DPP6: variants seen among roughly 807,000 people sequenced by gnomAD.
DPP6 encodes the protein A-type potassium channel modulatory protein DPP6.
In DPP6, 69 loss-of-function variants were observed where a neutral mutation model predicts 122.6. That is an observed-to-expected ratio of 0.56 (90% CI 0.46 to 0.69). The LOEUF (loss-of-function observed/expected upper bound fraction) is 0.69, where lower values mean the gene tolerates loss of function less well. DPP6 is among the 30% of genes least tolerant of loss of function. The probability of loss-of-function intolerance (pLI) is 0.00; values close to 1 mark genes in which losing one functional copy is unlikely to be tolerated. For missense variants in DPP6, 928 were observed against 1,116.9 expected (o/e 0.83, Z 2.41); for synonymous variants, 418 against 433.1 (o/e 0.97, Z 0.43).
chr7:154,074,955 A>G (rs868002665), intron 1 of DPP6, among the ~76,000 whole-genome samples: 2 of 151,404 alleles, frequency 1.3e-5, no homozygotes, highest in Non-Finnish European at 2.9e-5. Flanking sequence ...ACAAATCAGC[A>G]AGAAAAAAAC....
intron 1 of DPP6, among the ~76,000 whole-genome samples, chr7:154,418,106 A>T (rs1817178290): frequency 6.6e-6 from 1 of 152,220 alleles, no homozygotes; most frequent in Admixed American, 6.5e-5. Context: ...TCCTTCAGCC[A>T]GAAACCATCT....
the DPP6 span, among the ~76,000 whole-genome samples, chr7:153,815,526 A>AC: frequency 1.0e-5 from 1 of 100,200 alleles, no homozygotes; most frequent in South Asian, 3.3e-4. Context: ...CCGTCCCCCC[A>AC]CCCCACAGCA....
intron 1 of DPP6, among the ~76,000 whole-genome samples, chr7:154,086,620 CT>C (rs1177763713): frequency 1.1e-3 from 148 of 136,504 alleles, no homozygotes; most frequent in Admixed American, 1.1e-3. Context: ...AGAGCTTACT[CT>C]TTTTTTTTTT....
chr7:154,012,270 T>A (rs1410307280), intron 1 of DPP6, among the ~76,000 whole-genome samples: 1 of 152,168 alleles, frequency 6.6e-6, no homozygotes, highest in Non-Finnish European at 1.5e-5. Flanking sequence ...AAGATCTAAA[T>A]TAAAAACTAA....
At chr7:154,411,668 A>G (rs79528630) in intron 1 of DPP6, among the ~76,000 whole-genome samples, 4,159 of 152,264 alleles carry the variant, frequency 0.027, 178 homozygotes, top group African/African-American at 0.094. Flanking sequence ...ACATGAAGAC[A>G]TTTATGAACT....
chr7:154,824,300 A>G (rs977680483), intron 16 of DPP6, among the ~76,000 whole-genome samples: 17 of 152,036 alleles, frequency 1.1e-4, no homozygotes, highest in African/African-American at 3.6e-4. Context: ...TTGTTTTGAG[A>G]CAGAGTTTCA....
intron 7 of DPP6, among the ~76,000 whole-genome samples, chr7:154,672,949 T>C (rs1201548827): frequency 6.6e-6 from 1 of 152,152 alleles, no homozygotes; most frequent in African/African-American, 2.4e-5. Flanking sequence ...CCAACACAGG[T>C]GGCTTGGCCT....
intron 5 of DPP6, among the ~76,000 whole-genome samples, chr7:154,595,260 C>T (rs1482225672): frequency 3.3e-5 from 5 of 152,268 alleles, no homozygotes; most frequent in Admixed American, 2.6e-4. Flanking sequence ...CAGCCTTACC[C>T]TTTCTTCCCC....
At chr7:154,277,034 A>G (rs961876203) in intron 1 of DPP6, among the ~76,000 whole-genome samples, 3 of 152,150 alleles carry the variant, frequency 2.0e-5, no homozygotes, top group African/African-American at 2.4e-5. Context: ...CACCAACAAA[A>G]AATACAAAAA....
the DPP6 span, among the ~76,000 whole-genome samples, chr7:153,805,924 C>A: frequency 1.3e-5 from 2 of 151,806 alleles, no homozygotes; most frequent in Non-Finnish European, 2.9e-5. Context: ...CTGGGTGCAG[C>A]ACACCAACAT....
intron 4 of DPP6, among the ~76,000 whole-genome samples, chr7:154,559,478 G>T (rs1289272788): frequency 6.6e-6 from 1 of 152,042 alleles, no homozygotes; most frequent in African/African-American, 2.4e-5. Context: ...AAGAAATAAT[G>T]ACTGAATTTC....
At chr7:153,862,810 G>A in the DPP6 span, among the ~76,000 whole-genome samples, 6 of 151,802 alleles carry the variant, frequency 4.0e-5, no homozygotes, top group East Asian at 1.9e-4. Context: ...AAAATTATGC[G>A]TTAAGTAATT....
At chr7:154,346,389 C>G (rs1810398338) in intron 1 of DPP6, among the ~76,000 whole-genome samples, 1 of 152,166 alleles carries the variant, frequency 6.6e-6, no homozygotes, top group African/African-American at 2.4e-5. Context: ...TCACTGCAAC[C>G]TCCACCTCCC....
chr7:154,049,145 T>C (rs1585227869), upstream of DPP6, among the ~76,000 whole-genome samples: 1 of 151,406 alleles, frequency 6.6e-6, no homozygotes, highest in East Asian at 1.9e-4. Flanking sequence ...ACCCAATAAG[T>C]AGGAATAAAA....
intron 1 of DPP6, among the ~76,000 whole-genome samples, chr7:154,224,533 A>T (rs969440955): frequency 1.4e-4 from 21 of 149,120 alleles, no homozygotes; most frequent in African/African-American, 5.1e-4. Flanking sequence ...GCAAAGCTTC[A>T]TCTTTCATAA....
At chr7:154,272,849 C>G (rs1803882814) in intron 1 of DPP6, among the ~76,000 whole-genome samples, 1 of 152,194 alleles carries the variant, frequency 6.6e-6, no homozygotes, top group African/African-American at 2.4e-5. Flanking sequence ...TCTGTTCACC[C>G]TCACAGCCAA....
upstream of DPP6, among the ~76,000 whole-genome samples, chr7:154,048,684 G>T (rs572413864): frequency 1.6e-3 from 145 of 92,706 alleles, 50 homozygotes; most frequent in Non-Finnish European, 2.2e-3. Context: ...ATTTGGAAAA[G>T]AAAAAACAGT....
intron 1 of DPP6, among the ~76,000 whole-genome samples, chr7:154,394,830 A>G (rs1814945240): frequency 6.6e-6 from 1 of 152,150 alleles, no homozygotes; most frequent in Non-Finnish European, 1.5e-5. Flanking sequence ...TTTCCTAATC[A>G]TTTGTTGAAA....
At chr7:153,814,693 G>A in the DPP6 span, among the ~76,000 whole-genome samples, 1 of 152,272 alleles carries the variant, frequency 6.6e-6, no homozygotes, top group East Asian at 1.9e-4. Flanking sequence ...GATGAACATT[G>A]ATGCAAAAAT....
Sources: gnomAD v4.1 joint callset for allele counts (sites outside exome capture counted in the v4.1 genomes callset) on GRCh38, gnomAD v4.1.1 for gene constraint, MANE v1.5 for transcripts, NCBI Gene and HGNC (gene_info 2026-07-23, HGNC 2026-07-21) for gene names.